Variants in SLC4A10 observed in about 807,000 individuals in gnomAD.
SLC4A10 encodes the protein solute carrier family 4 member 10.
SLC4A10 carries 42 observed loss-of-function variants against 137.7 expected under a neutral mutation model. The observed-to-expected ratio is 0.30, with a 90% CI of 0.24 to 0.39. The LOEUF is 0.39. Ranked by LOEUF, SLC4A10 falls within the 10% of genes least tolerant of loss-of-function variation. The probability of loss-of-function intolerance (pLI) is 1.00; values close to 1 mark genes in which losing one functional copy is unlikely to be tolerated. For synonymous variants in SLC4A10, 474 were observed against 464.1 expected, an observed-to-expected ratio of 1.02 and a Z score of -0.27; for missense variants, 925 against 1,355.0, an observed-to-expected ratio of 0.68 and a Z score of 4.98.
chr2:161,812,957 G>C (rs967737391), intron 3 of SLC4A10, among the ~76,000 whole-genome samples: 1 of 151,734 alleles, frequency 6.6e-6, no homozygotes, highest in Non-Finnish European at 1.5e-5. Context: ...TATGAGTTTT[G>C]GTTTTGCTGT....
intron 1 of SLC4A10, among the ~76,000 whole-genome samples, chr2:161,660,183 T>A (rs2038101844): frequency 6.6e-6 from 1 of 152,228 alleles, no homozygotes; most frequent in Non-Finnish European, 1.5e-5. Flanking sequence ...TACATCTCAA[T>A]AAAACTGCTA....
chr2:161,687,436 T>G (rs1322425553), intron 1 of SLC4A10, among the ~76,000 whole-genome samples: 1 of 152,206 alleles, frequency 6.6e-6, no homozygotes, highest in Non-Finnish European at 1.5e-5. Flanking sequence ...TTTAAAATAA[T>G]GTCTTGGATT....
At chr2:161,922,599 T>C (rs1034744313) in intron 15 of SLC4A10, among the ~76,000 whole-genome samples, 3 of 152,094 alleles carry the variant, frequency 2.0e-5, no homozygotes, top group African/African-American at 7.2e-5. Flanking sequence ...GGAATAAAAA[T>C]ATTGTATGCT....
At chr2:161,750,141 T>C (rs1391991132) in intron 1 of SLC4A10, among the ~76,000 whole-genome samples, 5 of 151,762 alleles carry the variant, frequency 3.3e-5, no homozygotes, top group Non-Finnish European at 5.9e-5. Context: ...TTCTCTCTTT[T>C]TTTCTTAGTT....
chr2:161,886,108 A>G (rs2062257024), intron 10 of SLC4A10, among the ~76,000 whole-genome samples: 1 of 152,208 alleles, frequency 6.6e-6, no homozygotes, highest in Non-Finnish European at 1.5e-5. Flanking sequence ...CAAAATAAAT[A>G]CATAAATAAC....
At chr2:161,673,947 G>A (rs988446713) in intron 1 of SLC4A10, among the ~76,000 whole-genome samples, 17 of 152,102 alleles carry the variant, frequency 1.1e-4, no homozygotes, top group African/African-American at 3.4e-4. Flanking sequence ...CTGAGATCAC[G>A]CCACTGTCCT....
chr2:161,629,627 A>T (rs2033142723), intron 1 of SLC4A10, among the ~76,000 whole-genome samples: 1 of 151,904 alleles, frequency 6.6e-6, no homozygotes, highest in East Asian at 1.9e-4. Flanking sequence ...ACAAATTTAT[A>T]ATAACATGTA....
chr2:161,786,824 A>G (rs1029138131), intron 2 of SLC4A10, among the ~76,000 whole-genome samples: 3 of 147,504 alleles, frequency 2.0e-5, no homozygotes, highest in Non-Finnish European at 4.5e-5. Context: ...TTCTGTTCAA[A>G]GTTTATGCTT....
chr2:161,967,484 G>T (rs1465569696), intron 23 of SLC4A10, among the ~76,000 whole-genome samples: 2 of 152,148 alleles, frequency 1.3e-5, no homozygotes, highest in Non-Finnish European at 2.9e-5. Flanking sequence ...GTATGAAAAT[G>T]CTCAGTGAAC....
At chr2:161,900,647 A>G (rs1267862559) in intron 11 of SLC4A10, among the ~76,000 whole-genome samples, 1 of 152,110 alleles carries the variant, frequency 6.6e-6, no homozygotes, top group Non-Finnish European at 1.5e-5. Context: ...AGTTGAAAGA[A>G]TAAATAAGTG....
intron 3 of SLC4A10, among the ~76,000 whole-genome samples, chr2:161,829,391 A>G (rs2058275041): frequency 6.6e-6 from 1 of 152,182 alleles, no homozygotes; most frequent in Non-Finnish European, 1.5e-5. Context: ...TGTTTTTTTA[A>G]AAGATACTTT....
At chr2:161,887,169 AT>A (rs2062398174) in intron 10 of SLC4A10, among the ~76,000 whole-genome samples, 1 of 151,970 alleles carries the variant, frequency 6.6e-6, no homozygotes, top group South Asian at 2.1e-4. Context: ...TATGTGCCAC[AT>A]TTTCTTTATC....
At chr2:161,893,008 GC>G (rs2063076809) in intron 10 of SLC4A10, among the ~76,000 whole-genome samples, 1 of 151,864 alleles carries the variant, frequency 6.6e-6, no homozygotes, top group Non-Finnish European at 1.5e-5. Context: ...AATCACTTAG[GC>G]CCCCTGTGCT....
intron 1 of SLC4A10, among the ~76,000 whole-genome samples, chr2:161,767,139 A>ATATGTGTG (rs1362865580): frequency 7.0e-5 from 4 of 57,124 alleles, no homozygotes; most frequent in Non-Finnish European, 1.1e-4. Context: ...ATATATATAT[A>ATATGTGTG]TGTGTGTGTG....
intron 15 of SLC4A10, among the ~76,000 whole-genome samples, chr2:161,935,465 T>C (rs984271587): frequency 6.6e-6 from 1 of 152,184 alleles, no homozygotes; most frequent in African/African-American, 2.4e-5. Flanking sequence ...TGATAGCTTT[T>C]GTTAGTATGG....
intron 1 of SLC4A10, among the ~76,000 whole-genome samples, chr2:161,683,765 T>G (rs2124847078): frequency 6.6e-6 from 1 of 152,310 alleles, no homozygotes; most frequent in South Asian, 2.1e-4. Context: ...TTGTAACATC[T>G]TTAGCAATAG....
intron 17 of SLC4A10, among the ~76,000 whole-genome samples, chr2:161,948,100 C>T (rs970968962): frequency 6.6e-6 from 1 of 152,120 alleles, no homozygotes; most frequent in African/African-American, 2.4e-5. Context: ...CCCGGCAAGA[C>T]TCATTGGAAC....
rs368464736 is a variant in SLC4A10, at chr2:161,891,953, G to A, written c.1195-2726G>A. Among the ~76,000 whole-genome samples the A allele has an allele frequency of 3.3e-5, 5 of 151,974 alleles. No homozygotes were observed. In the East Asian group the frequency reaches 9.7e-4, roughly 29 times the overall value. ...TAATTGAACCAATAGTCTAGTTTGA[G>A]AAGGGGGTCAGGGAAGTCTGATATA... is the stretch of plus-strand genomic sequence containing the variant. On this transcript the variant is annotated intron_variant, in intron 10 of 26. Transcript: ENST00000446997.
intron 1 of SLC4A10, among the ~76,000 whole-genome samples, chr2:161,631,063 C>T (rs1052599838): frequency 1.3e-5 from 2 of 151,636 alleles, no homozygotes; most frequent in Admixed American, 1.3e-4. Context: ...TTTCATGATT[C>T]CATTTATATG....
Sources: gnomAD v4.1 joint callset for allele counts (sites outside exome capture counted in the v4.1 genomes callset) on GRCh38, gnomAD v4.1.1 for gene constraint, MANE v1.5 for transcripts, NCBI Gene and HGNC (gene_info 2026-07-23, HGNC 2026-07-21) for gene names.